Variants in RYR2 observed in about 807,000 individuals in gnomAD.
RYR2 encodes the protein cardiac muscle ryanodine receptor-calcium release channel.
A neutral mutation model predicts 601.1 loss-of-function variants in RYR2; 227 were observed. That is an observed-to-expected ratio of 0.38 (90% CI 0.34 to 0.42). The LOEUF is 0.42. Among genes scored for constraint, RYR2 ranks in the 10% least tolerant of loss-of-function variants. The pLI is 1.00. For synonymous variants in RYR2, 2,223 were observed against 2,175.1 expected, an observed-to-expected ratio of 1.02 and a Z score of -0.61; for missense variants, 4,646 against 6,156.5, an observed-to-expected ratio of 0.75 and a Z score of 8.21.
intron 1 of RYR2, among the ~76,000 whole-genome samples, chr1:237,045,561 G>T (rs1660472104): frequency 6.6e-6 from 1 of 152,108 alleles, no homozygotes; most frequent in Non-Finnish European, 1.5e-5. Flanking sequence ...ATATGTTTTT[G>T]TAAACTCTGG....
intron 12 of RYR2, among the ~76,000 whole-genome samples, chr1:237,434,607 A>C (rs2150115495): frequency 6.6e-6 from 1 of 152,204 alleles, no homozygotes; most frequent in Non-Finnish European, 1.5e-5. Context: ...CCTCCAGATA[A>C]AATTTTTTAG....
chr1:237,806,099 T>C (rs1489073426), intron 98 of RYR2, 38 bp from the exon 99 acceptor site: 6 of 1,598,242 alleles, frequency 3.8e-6, no homozygotes, highest in South Asian at 2.2e-5. Flanking sequence ...TGCGTTCTGT[T>C]TTCTGACATG....
intron 25 of RYR2, among the ~76,000 whole-genome samples, chr1:237,541,401 A>G (rs1220016058): frequency 6.6e-6 from 1 of 152,140 alleles, no homozygotes; most frequent in South Asian, 2.1e-4. Flanking sequence ...CTTGATTCCA[A>G]TGTCATCTTC....
intron 2 of RYR2, among the ~76,000 whole-genome samples, chr1:237,286,472 T>C (rs981130341): frequency 4.6e-5 from 7 of 150,650 alleles, no homozygotes; most frequent in Admixed American, 1.3e-4. Context: ...TTCCATGCGC[T>C]TTTAATAGAA....
At chr1:237,808,875 C>G in intron 99 of RYR2, 26 bp from the exon 100 acceptor site, 1 of 1,612,108 alleles carries the variant, frequency 6.2e-7, no homozygotes, top group Non-Finnish European at 8.5e-7. Flanking sequence ...TTTCTAATAC[C>G]TGGTCCTTGT....
chr1:237,789,245 C>A (rs1658047862), intron 92 of RYR2, among the ~76,000 whole-genome samples: 2 of 152,020 alleles, frequency 1.3e-5, no homozygotes, highest in South Asian at 4.1e-4. Flanking sequence ...AAATTGACAA[C>A]TCAGAACCTC....
rs1362233881 is a variant in RYR2 at position 237,610,486 on chromosome 1, C to T, written c.4684-276C>T. 6.6e-6 allele frequency among the ~76,000 whole-genome samples: 1 copy of T among 152,134 alleles called. No individual in the cohort carries two copies. Among genetic ancestry groups the T allele is most frequent in the Non-Finnish European group, 1.5e-5 (1 of 68,024 alleles). On this transcript the variant is annotated intron_variant, in intron 35 of 104. Coordinates refer to ENST00000366574, the MANE Select transcript of RYR2 (RefSeq NM_001035.3). This position sits in a 1 kb window ranked among gnomAD's most constrained non-coding sequence, Gnocchi z 4.9. Reference sequence around the variant, plus strand: ...ATAAAGGATATATGGGTATGCTTGGCCTTCTCTCTGTGCCATTCAGTATAT... The same window carrying T: ...ATAAAGGATATATGGGTATGCTTGGTCTTCTCTCTGTGCCATTCAGTATAT...
At chr1:237,594,478 G>C (rs1040256288) in intron 33 of RYR2, among the ~76,000 whole-genome samples, 1 of 151,948 alleles carries the variant, frequency 6.6e-6, no homozygotes, top group Non-Finnish European at 1.5e-5. Context: ...CATAAGTTTG[G>C]AACAAAAAAA....
At chr1:237,495,368 G>A (rs1298108296) in intron 19 of RYR2, among the ~76,000 whole-genome samples, 1 of 152,146 alleles carries the variant, frequency 6.6e-6, no homozygotes, top group Non-Finnish European at 1.5e-5. Flanking sequence ...TGGAAAAATG[G>A]AAATTGTTAG....
At chr1:237,163,700 C>T (rs982482452) in intron 1 of RYR2, among the ~76,000 whole-genome samples, 2 of 152,150 alleles carry the variant, frequency 1.3e-5, no homozygotes, top group Non-Finnish European at 2.9e-5. Flanking sequence ...AGTGGAAATA[C>T]ACCCCATGTT....
chr1:237,730,976 G>C (rs1690629512), intron 77 of RYR2, among the ~76,000 whole-genome samples: 1 of 152,152 alleles, frequency 6.6e-6, no homozygotes, highest in Non-Finnish European at 1.5e-5. Context: ...AAACTTGGCA[G>C]ACTAGTCAGA....
At chr1:237,660,203 C>A (rs890027540) in intron 55 of RYR2, 129 bp downstream of exon 55, 3 of 458,670 alleles carry the variant, frequency 6.5e-6, no homozygotes, top group African/African-American at 4.5e-5. Flanking sequence ...CCAAAGGTCC[C>A]GTTTAAAAAA....
At chr1:237,354,645 G>T (rs1208938100) in intron 3 of RYR2, among the ~76,000 whole-genome samples, 1 of 151,854 alleles carries the variant, frequency 6.6e-6, no homozygotes, top group African/African-American at 2.4e-5. Context: ...TTTGCCCCAG[G>T]ATCTAAAGGA....
At chr1:237,617,263 G>T (rs746874040) in intron 37 of RYR2, 23 bp from the exon 38 acceptor site, 3 of 1,571,172 alleles carry the variant, frequency 1.9e-6, no homozygotes, top group East Asian at 2.3e-5. Context: ...ATTAAATTTG[G>T]TGTCTTTTTA....
intron 1 of RYR2, among the ~76,000 whole-genome samples, chr1:237,158,227 T>G (rs369977884): frequency 4.3e-4 from 66 of 152,256 alleles, no homozygotes; most frequent in African/African-American, 1.6e-3. Context: ...TAGTTATAGA[T>G]GGAGTGAGTT....
chr1:237,361,117 C>T (rs962927155), intron 4 of RYR2, among the ~76,000 whole-genome samples: 1 of 152,184 alleles, frequency 6.6e-6, no homozygotes, highest in Non-Finnish European at 1.5e-5. Flanking sequence ...GCTGGGATTA[C>T]AGGCATGAGC....
chr1:237,086,949 A>C (rs758726129), intron 1 of RYR2, among the ~76,000 whole-genome samples: 2 of 152,166 alleles, frequency 1.3e-5, no homozygotes, highest in Non-Finnish European at 2.9e-5. Flanking sequence ...TTGAGTATGT[A>C]TATGTCTGCA....
chr1:237,580,831 A>G (rs28614786), intron 29 of RYR2, among the ~76,000 whole-genome samples: 45,441 of 152,084 alleles, frequency 0.3, 7,264 homozygotes, highest in East Asian at 0.61. Flanking sequence ...CAGAGAAAAG[A>G]CCATGTGAGG....
intron 1 of RYR2, among the ~76,000 whole-genome samples, chr1:237,103,990 G>A (rs568913681): frequency 6.7e-6 from 1 of 149,162 alleles, no homozygotes; most frequent in Non-Finnish European, 1.5e-5. Flanking sequence ...GCCTTTATCA[G>A]TCTGTGTCAT....
Sources: gnomAD v4.1 joint callset for allele counts (sites outside exome capture counted in the v4.1 genomes callset) on GRCh38, gnomAD v4.1.1 for gene constraint, Gnocchi (gnomAD v3.1) non-coding constraint, MANE v1.5 for transcripts, NCBI Gene and HGNC (gene_info 2026-07-23, HGNC 2026-07-21) for gene names.